Variants in RC3H1 observed in about 807,000 individuals in gnomAD.
RC3H1 encodes ring finger and CCCH-type domains 1, also known as roquin-1.
A neutral mutation model predicts 138.2 loss-of-function variants in RC3H1; 50 were observed. That is an observed-to-expected ratio of 0.36 (90% CI 0.29 to 0.46). The LOEUF is 0.46. RC3H1 is among the 20% of genes least tolerant of loss of function. The probability of loss-of-function intolerance (pLI) is 1.00; values close to 1 mark genes in which losing one functional copy is unlikely to be tolerated. For synonymous variants in RC3H1, 462 were observed against 489.1 expected, an observed-to-expected ratio of 0.94 and a Z score of 0.73; for missense variants, 1,031 against 1,388.1, an observed-to-expected ratio of 0.74 and a Z score of 4.09.
At chr1:173,954,751 C>T (rs1366048952) in intron 13 of RC3H1, among the ~76,000 whole-genome samples, 1 of 152,028 alleles carries the variant, frequency 6.6e-6, no homozygotes, top group Non-Finnish European at 1.5e-5. Context: ...CTTGAGCCCA[C>T]GAGTTTGAGA....
chr1:173,941,497 T>C (rs1658859358), intron 18 of RC3H1, 117 bp from the exon 19 acceptor site: 1 of 650,320 alleles, frequency 1.5e-6, no homozygotes, highest in Non-Finnish European at 2.7e-6. Flanking sequence ...TTTTGTAAAA[T>C]AACCAAAGAA....
At position 173,947,488 on chromosome 1, in the gene RC3H1, C is replaced by T. The variant is rs1659183415; in HGVS notation, c.2618G>A (p.Arg873Gln). 3 of 1,613,956 alleles carry T rather than the reference C, an allele frequency of 1.9e-6. No individual in the cohort carries two copies. The highest frequency in any genetic ancestry group is 2.5e-6 in the Non-Finnish European group (3 of 1,179,940). ...GGCACCAAACCGAGACACTGTTGGT[C>T]GGTCTCCAAATGGGATGAGGTCATC... is the stretch of plus-strand genomic sequence containing the variant. ...SDDDLIPFGD[R>Q]PTVSRFGAIS... The change falls in exon 15 of 20, where the codon CGA becomes CAA. Residue 873 changes from arginine to glutamine, a missense_variant. Arg to Gln is a conservative substitution (Grantham distance 43). Coordinates refer to ENST00000367696, the MANE Select transcript of RC3H1 (RefSeq NM_172071.4).
At chr1:173,952,402 T>TGAA (rs1659453069) in intron 13 of RC3H1, among the ~76,000 whole-genome samples, 1 of 47,206 alleles carries the variant, frequency 2.1e-5, no homozygotes, top group African/African-American at 8.1e-5. Context: ...TAGCAGAAGG[T>TGAA]AAAAAAAAAA....
At chr1:173,987,768 T>C (rs1314601270) in intron 2 of RC3H1, among the ~76,000 whole-genome samples, 1 of 152,170 alleles carries the variant, frequency 6.6e-6, no homozygotes, top group Non-Finnish European at 1.5e-5. Context: ...ACACGAGATA[T>C]CTCGTATATC....
intron 2 of RC3H1, among the ~76,000 whole-genome samples, chr1:173,985,846 C>T (rs1661004133): frequency 6.6e-6 from 1 of 152,158 alleles, no homozygotes; most frequent in African/African-American, 2.4e-5. Context: ...ATGATGTTGA[C>T]CATCCTTTCA....
intron 7 of RC3H1, among the ~76,000 whole-genome samples, chr1:173,977,732 C>T (rs990523861): frequency 2.6e-5 from 4 of 152,184 alleles, no homozygotes; most frequent in African/African-American, 4.8e-5. Flanking sequence ...AACCTGCCTA[C>T]TCTTTAGTGG....
At position 173,932,497 on chromosome 1, in the gene RC3H1, TAAAG is replaced by T. The variant is rs1209232995; in HGVS notation, c.*6220_*6223del. 2 of 152,066 alleles carry T rather than the reference TAAAG, an allele frequency of 1.3e-5. No individual in the cohort carries two copies. The highest frequency in any genetic ancestry group is 2.9e-5 in the Non-Finnish European group (2 of 67,988). 9.4% of individuals were successfully genotyped at this position (152,066 alleles called of 1,614,324 possible). ...GTACCAAAAAGTCATAGATTAATCA[TAAAG>T]AAAGATAATGAGACCTGTGGACTAA... On this transcript the variant is annotated 3_prime_UTR_variant, in exon 20 of 20. Coordinates refer to ENST00000367696, the MANE Select transcript of RC3H1 (RefSeq NM_172071.4).
rs1418719154 is a variant in RC3H1, at chr1:173,970,544, G to C, written c.1295C>G (p.Ala432Gly). The C allele has an allele frequency of 6.2e-7, 1 of 1,613,734 alleles. No individual in the cohort carries two copies. The highest frequency in any genetic ancestry group is 1.7e-5 in the Admixed American group (1 of 59,982). ...MKQRGGCPRG[A>G]SCTFAHSQEE... ...CTGTGAGTGTGCAAATGTACAGCTG[G>C]CCCCACGAGGGCATCCTCCTCTCTG... Residue 432 changes from alanine to glycine, a missense_variant, in exon 9 of 20, where the codon GCC (alanine) becomes GGC (glycine). Ala to Gly is a moderately conservative substitution (Grantham distance 60). Transcript: ENST00000367696.
At chr1:174,001,510 GATTTTGGCTC>G (rs1661564494) in intron 1 of RC3H1, among the ~76,000 whole-genome samples, 3 of 152,178 alleles carry the variant, frequency 2.0e-5, no homozygotes, top group African/African-American at 7.2e-5. Context: ...ACAGTGGCAC[GATTTTGGCTC>G]ACTGCAACCT....
intron 7 of RC3H1, among the ~76,000 whole-genome samples, chr1:173,974,328 T>C (rs907501282): frequency 1.4e-5 from 2 of 145,260 alleles, no homozygotes; most frequent in Non-Finnish European, 3.0e-5. Context: ...GCCAGAAAAG[T>C]CCTCCTTGAG....
At chr1:173,999,378 CAAAA>C (rs11299661) in intron 1 of RC3H1, among the ~76,000 whole-genome samples, 2 of 110,312 alleles carry the variant, frequency 1.8e-5, no homozygotes. Context: ...AAAACTCCAC[CAAAA>C]AAAAAAAAAA....
At position 173,946,493 on chromosome 1, in the gene RC3H1, G is replaced by C; in HGVS notation, c.2944C>G (p.Gln982Glu). The change falls in exon 17 of 20, where the codon CAG becomes GAG. Residue 982 changes from glutamine (Q) to glutamate (E), a missense_variant. Gln to Glu is a conservative substitution (Grantham distance 29, BLOSUM62 2). This residue lies in a region of RC3H1 where 716 missense variants were observed against 837.9 expected (regional missense o/e 0.85). Transcript: ENST00000367696. ...QLNHQISQQTQLRGLEAVSNR... is the reference protein window; with the variant it reads ...QLNHQISQQTELRGLEAVSNR... Reference sequence around the variant, plus strand: ...GCTGGTACCTCTAGTCCACGTAGCTGGGTCTGCTGGCTAATCTGATGGTTC... The same window carrying C: ...GCTGGTACCTCTAGTCCACGTAGCTCGGTCTGCTGGCTAATCTGATGGTTC... 1.2e-6 allele frequency: 2 copies of C among 1,614,064 alleles called. No homozygotes were observed. Among genetic ancestry groups the C allele is most frequent in the Non-Finnish European group, 1.7e-6 (2 of 1,179,986 alleles).
At position 173,963,849 on chromosome 1, in the gene RC3H1, T is replaced by A. The variant is rs562620434; in HGVS notation, c.1831+124A>T. ...ATAAAATCTCAATTTTTCCAAAGTA[T>A]TAAAAAATGCATTTATACATTTACT... On this transcript the variant is annotated intron_variant, in intron 11 of 19. Transcript: ENST00000367696. The A allele has an allele frequency of 1.1e-5, 8 of 729,880 alleles. No individual in the cohort carries two copies. The East Asian group carries it at 2.2e-4, about 20-fold the overall frequency. The allele number at this position is 729,880 out of a possible 1,614,324, so 45.2% of individuals were successfully genotyped here.
Position 173,980,839 on chromosome 1 carries a change from G to C in RC3H1, c.939C>G (p.His313Gln). 6.2e-7 allele frequency: 1 copy of C among 1,614,064 alleles called. No individual in the cohort carries two copies. Among genetic ancestry groups the C allele is most frequent in the Non-Finnish European group, 8.5e-7 (1 of 1,179,970 alleles). ...CAATAATGGACTGCATATGAGATTTGTGAGACTGGTCTCCATAAAGCAAAG... is the reference window on the plus strand; with the variant it reads ...CAATAATGGACTGCATATGAGATTTCTGAGACTGGTCTCCATAAAGCAAAG... ...WSSLLYGDQS[H>Q]KSHMQSIIDK... Residue 313 changes from histidine (H) to glutamine (Q), a missense_variant, in exon 6 of 20, where the codon CAC (histidine) becomes CAG (glutamine). His to Gln is a conservative substitution (Grantham distance 24). Transcript: ENST00000367696.
intron 7 of RC3H1, among the ~76,000 whole-genome samples, chr1:173,973,906 C>T (rs1430441385): frequency 2.0e-5 from 3 of 152,114 alleles, no homozygotes; most frequent in Non-Finnish European, 4.4e-5. Context: ...GTGATTAAAA[C>T]AAAAATCCCC....
intron 19 of RC3H1, among the ~76,000 whole-genome samples, chr1:173,940,601 T>C (rs1309813987): frequency 6.6e-6 from 1 of 152,132 alleles, no homozygotes; most frequent in African/African-American, 2.4e-5. Flanking sequence ...GCTAATTTTT[T>C]ATAATATATT....
At chr1:173,945,620 T>C (rs756281926) in intron 17 of RC3H1, among the ~76,000 whole-genome samples, 1 of 152,142 alleles carries the variant, frequency 6.6e-6, no homozygotes, top group Non-Finnish European at 1.5e-5. Context: ...AGATAAGTGG[T>C]AGTGATTTTT....
intron 15 of RC3H1, 71 bp downstream of exon 15, chr1:173,947,298 T>A: frequency 9.8e-7 from 1 of 1,018,228 alleles, no homozygotes; most frequent in South Asian, 1.3e-5. Flanking sequence ...TGATAGTAAA[T>A]GGAGAGCAGG....
At chr1:173,952,375 G>T (rs74126475) in intron 13 of RC3H1, among the ~76,000 whole-genome samples, 7,393 of 58,946 alleles carry the variant, frequency 0.13, 67 homozygotes, top group Middle Eastern at 0.21. Context: ...TTTTTTTTTT[G>T]TTTTTTTTTT....
Sources: allele counts gnomAD v4.1 joint callset (sites outside exome capture counted in the v4.1 genomes callset), GRCh38; gene constraint gnomAD v4.1.1; regional missense constraint gnomAD v4.1.1; transcripts MANE v1.5; gene names NCBI Gene and HGNC (gene_info 2026-07-23, HGNC 2026-07-21).